The following EEF1G variants were observed in gnomAD, a reference collection of about 807,000 sequenced individuals.
EEF1G encodes elongation factor 1-gamma.
A neutral mutation model predicts 58.3 loss-of-function variants in EEF1G; 14 were observed. The ratio of observed to expected loss-of-function variants is 0.24; its 90% CI spans 0.16 to 0.38. EEF1G has a LOEUF of 0.38. Among genes scored for constraint, EEF1G ranks in the 10% least tolerant of loss-of-function variants. EEF1G has a pLI of 1.00. For missense variants in EEF1G, 322 were observed against 550.1 expected, an observed-to-expected ratio of 0.59 and a Z score of 4.15; for synonymous variants, 180 against 206.8, an observed-to-expected ratio of 0.87 and a Z score of 1.11.
Position 62,566,860 on chromosome 11 carries a change from T to G in EEF1G, c.803A>C (p.Gln268Pro), listed in dbSNP as rs1257881782. Residue 268 changes from glutamine (Q) to proline (P), a missense_variant, in exon 7 of 10, where the codon CAG becomes CCG. Physicochemically the swap from Gln to Pro is moderately conservative, Grantham distance 76. This residue lies in a region of EEF1G where 208 missense variants were observed against 323.7 expected (regional missense o/e 0.64). Coordinates refer to ENST00000329251, the MANE Select transcript of EEF1G (RefSeq NM_001404.5). Reference protein sequence around the residue: ...APEEEMDECEQALAAEPKAKD... With the variant: ...APEEEMDECEPALAAEPKAKD... ...GGCCTTGGGCTCAGCAGCCAGCGCC[T>G]GCTCACATTCATCCATCTCCTCCTC... The G allele has an allele frequency of 1.2e-6, 2 of 1,613,438 alleles. No homozygotes were observed. The highest frequency in any genetic ancestry group is 1.7e-6 in the Non-Finnish European group (2 of 1,179,780).
chr11:62,572,875 C>A, intron 1 of EEF1G, 133 bp from the exon 2 acceptor site: 5 of 768,652 alleles, frequency 6.5e-6, no homozygotes, highest in Non-Finnish European at 1.0e-5. Flanking sequence ...TGAACCAAGT[C>A]CTTTAGTACT....
chr11:62,567,923 T>C (rs1941576003), intron 5 of EEF1G, among the ~76,000 whole-genome samples: 2 of 151,222 alleles, frequency 1.3e-5, no homozygotes, highest in South Asian at 4.2e-4. Context: ...TTTCGCCCTG[T>C]TGGCCAGGCT....
chr11:62,566,798 A>G lies in EEF1G; in HGVS notation c.857+8T>C. On this transcript the variant is annotated splice_region_variant and intron_variant, in intron 7 of 9. Coordinates refer to ENST00000329251, the MANE Select transcript of EEF1G (RefSeq NM_001404.5). Reference sequence around the variant, plus strand: ...GGTCCCACACCCTCCACCCTCCAATATCCTTACCTCTTGGGCAGGTGAGCG... The same window carrying G: ...GGTCCCACACCCTCCACCCTCCAATGTCCTTACCTCTTGGGCAGGTGAGCG... 1.2e-6 allele frequency: 2 copies of G among 1,613,558 alleles called. No homozygotes were observed. Among genetic ancestry groups the G allele is most frequent in the Non-Finnish European group, 1.7e-6 (2 of 1,179,656 alleles).
Position 62,567,008 on chromosome 11 carries a change from T to C in EEF1G, c.655A>G (p.Lys219Glu). The change falls in exon 7 of 10, where the codon AAA (lysine) becomes GAA (glutamate). Residue 219 changes from lysine to glutamate, a missense_variant and splice_region_variant. Physicochemically the swap from Lys to Glu is moderately conservative, Grantham distance 56. Around this residue, in one of 3 missense-constraint regions of EEF1G, gnomAD observed 208 missense variants for 323.7 expected, o/e 0.64. Coordinates refer to ENST00000329251, the MANE Select transcript of EEF1G (RefSeq NM_001404.5). ...LCEKMAQFDA[K>E]KFAETQPKKD... is the part of the protein sequence containing the mutation. The stretch of plus-strand genomic sequence containing the variant: ...TTAGGTTGGGTCTCTGCAAACTTTT[T>C]AGCTGGTGCAGAGGAAGGCAGGAAA... 1.2e-6 allele frequency: 2 copies of C among 1,613,934 alleles called. No individual in the cohort carries two copies. Among genetic ancestry groups the C allele is most frequent in the Non-Finnish European group, 1.7e-6 (2 of 1,179,868 alleles).
At chr11:62,573,016 T>A in intron 1 of EEF1G, 1 of 263,726 alleles carries the variant, frequency 3.8e-6, no homozygotes, top group Non-Finnish European at 7.2e-6. Flanking sequence ...CTCAAATCTA[T>A]CTCCAAGAAA....
intron 7 of EEF1G, among the ~76,000 whole-genome samples, chr11:62,564,413 G>A (rs1441068222): frequency 6.8e-6 from 1 of 146,210 alleles, no homozygotes; most frequent in Non-Finnish European, 1.5e-5. Flanking sequence ...GCAGTAAGCC[G>A]AGATCACACC....
At chr11:62,571,165 C>A in intron 4 of EEF1G, 57 bp from the exon 5 acceptor site, 1 of 1,610,838 alleles carries the variant, frequency 6.2e-7, no homozygotes, top group Non-Finnish European at 8.5e-7. Context: ...TCCCTCACCT[C>A]CCCCATTAAT....
intron 7 of EEF1G, among the ~76,000 whole-genome samples, chr11:62,566,376 A>G (rs966535308): frequency 1.3e-5 from 2 of 152,220 alleles, no homozygotes; most frequent in African/African-American, 4.8e-5. Context: ...AACAGAAAAC[A>G]AAACAATTCA....
chr11:62,570,675 C>A, intron 5 of EEF1G, among the ~76,000 whole-genome samples: 1 of 152,284 alleles, frequency 6.6e-6, no homozygotes, highest in East Asian at 1.9e-4. Flanking sequence ...GTGCCTCAGC[C>A]TCCCAAGTAG....
At chr11:62,571,933 AAC>A (rs1317147908) in intron 2 of EEF1G, 32 bp from the exon 3 acceptor site, 16 of 1,553,028 alleles carry the variant, frequency 1.0e-5, no homozygotes, top group Non-Finnish European at 1.4e-5. Flanking sequence ...GATAAGGTAA[AAC>A]ACACAAAATT....
chr11:62,567,479 A>G lies in EEF1G; in HGVS notation c.572T>C (p.Phe191Ser). 6.2e-7 allele frequency: 1 copy of G among 1,612,216 alleles called. No homozygotes were observed. The highest frequency in any genetic ancestry group is 8.5e-7 in the Non-Finnish European group (1 of 1,179,084). ...CTGGGGCTGGTTAATGCAGGTGAGG[A>G]ACCAGCGGTTGGTATTGGGAAAGGC... ...RQAFPNTNRW[F>S]LTCINQPQFR... Residue 191 changes from phenylalanine to serine, a missense_variant, in exon 6 of 10, where the codon TTC becomes TCC. By Grantham distance (155) the Phe-to-Ser change is radical (BLOSUM62 -2). Around this residue, in one of 3 missense-constraint regions of EEF1G, gnomAD observed 208 missense variants for 323.7 expected, o/e 0.64. Transcript: ENST00000329251.
chr11:62,566,413 C>T (rs1257887261), intron 7 of EEF1G, among the ~76,000 whole-genome samples: 1 of 152,362 alleles, frequency 6.6e-6, no homozygotes, highest in East Asian at 1.9e-4. Context: ...CATCCACTAT[C>T]TCCGCACAGC....
At chr11:62,560,834 C>T (rs993626542) in intron 7 of EEF1G, among the ~76,000 whole-genome samples, 2 of 152,194 alleles carry the variant, frequency 1.3e-5, no homozygotes, top group African/African-American at 4.8e-5. Flanking sequence ...TTCCCCCCCA[C>T]CATACAGGCC....
intron 6 of EEF1G, 69 bp from the exon 7 acceptor site, chr11:62,567,079 A>T (rs1178258705): frequency 1.3e-6 from 2 of 1,516,110 alleles, no homozygotes; most frequent in Non-Finnish European, 1.8e-6. Flanking sequence ...AAAACCACAC[A>T]GAGCAAGCAA....
intron 7 of EEF1G, among the ~76,000 whole-genome samples, chr11:62,562,298 AGCC>A (rs1411898200): frequency 6.6e-6 from 1 of 152,160 alleles, no homozygotes; most frequent in Non-Finnish European, 1.5e-5. Flanking sequence ...TTTGAGCGTT[AGCC>A]GTCTCTTGGT....
rs754324419 is a variant in EEF1G, at chr11:62,559,654, G to A, written c.*25C>T. On this transcript the variant is annotated 3_prime_UTR_variant, in exon 10 of 10. Coordinates refer to ENST00000329251, the MANE Select transcript of EEF1G (RefSeq NM_001404.5). ...CCATCTCCCTGAAGGGCAGGTGCAG[G>A]CAGCTAGGTGATGGCAAGAGATGTT... The A allele has an allele frequency of 6.2e-7, 1 of 1,612,516 alleles. No homozygotes were observed. Among genetic ancestry groups the A allele is most frequent in the African/African-American group, 1.3e-5 (1 of 75,006 alleles).
chr11:62,571,869 A>T lies in EEF1G; in HGVS notation c.204T>A (p.Cys68Ter). The stretch of plus-strand genomic sequence containing the variant: ...AGGCAATGGCGTTGCTCTCAAACAC[A>T]CAGAATCCATCATCACCCTCAAATG... ...VPAFEGDDGF[C>*]VFESNAIAYY... Residue 68 changes from cysteine (C) to a stop codon, truncating the protein, a stop_gained, in exon 3 of 10, where the codon TGT (cysteine) becomes TGA (stop). Coordinates refer to ENST00000329251, the MANE Select transcript of EEF1G (RefSeq NM_001404.5). LOFTEE classifies it high-confidence loss of function. 1 of 1,588,210 alleles carries T rather than the reference A, an allele frequency of 6.3e-7. No individual in the cohort carries two copies. Among genetic ancestry groups the T allele is most frequent in the Non-Finnish European group, 8.6e-7 (1 of 1,167,148 alleles).
intron 7 of EEF1G, among the ~76,000 whole-genome samples, chr11:62,565,782 C>T (rs560402239): frequency 6.6e-6 from 1 of 152,266 alleles, no homozygotes; most frequent in East Asian, 1.9e-4. Flanking sequence ...ACAAAATACC[C>T]GGGAGTAAGA....
rs751520287 is a variant in EEF1G at position 62,560,200 on chromosome 11, C to T, written c.1031-7G>A. The T allele has an allele frequency of 1.1e-5, 17 of 1,613,926 alleles. No individual in the cohort carries two copies. Among genetic ancestry groups the T allele is most frequent in the South Asian group, 3.3e-5 (3 of 91,088 alleles). On this transcript the variant is annotated splice_polypyrimidine_tract_variant and splice_region_variant and intron_variant, in intron 8 of 9. Coordinates refer to ENST00000329251, the MANE Select transcript of EEF1G (RefSeq NM_001404.5). ...TCCAGTCGCTGGAACATTCCTGAAG[C>T]GGCAAGGGAGAACATTCAGCCTTTG...
Sources: gnomAD v4.1 joint callset for allele counts (sites outside exome capture counted in the v4.1 genomes callset) on GRCh38, gnomAD v4.1.1 for gene constraint, gnomAD v4.1.1 regional missense constraint, MANE v1.5 for transcripts, NCBI Gene and HGNC (gene_info 2026-07-23, HGNC 2026-07-21) for gene names.